Variants in CRELD1 observed in about 807,000 individuals in gnomAD.
The protein encoded by CRELD1 is CRELD disulfide isomerase 1.
In CRELD1, 42 loss-of-function variants were observed where a neutral mutation model predicts 58.2. That is an observed-to-expected ratio of 0.72 (90% CI 0.56 to 0.93). CRELD1 has a LOEUF of 0.93. Among genes scored for constraint, CRELD1 ranks in the 40% least tolerant of loss-of-function variants. The pLI is 0.00. For missense variants in CRELD1, 500 were observed against 540.6 expected (o/e 0.92, Z 0.74); for synonymous variants, 222 against 202.0 (o/e 1.10, Z -0.84).
chr3:9,939,397 TCATAGGA>T (rs2085284758), intron 5 of CRELD1, among the ~76,000 whole-genome samples: 1 of 152,084 alleles, frequency 6.6e-6, no homozygotes, highest in South Asian at 2.1e-4. Flanking sequence ...TTTGGCAGGG[TCATAGGA>T]CAATAGTGGA....
At chr3:9,935,954 C>T (rs1202614023) in intron 3 of CRELD1, 1 of 152,072 alleles carries the variant, frequency 6.6e-6, no homozygotes, top group African/African-American at 2.4e-5. Context: ...GGGAAGGATA[C>T]AGAAAGCCAT....
chr3:9,941,014 C>G lies in CRELD1; in HGVS notation c.625C>G (p.Leu209Val), dbSNP rs750351756. ...TGAGGCAGAACGCAACGCCAGCCATCTGGTATGTTCGGGTAGGTAGCCAAA... is the reference window on the plus strand; with the variant it reads ...TGAGGCAGAACGCAACGCCAGCCATGTGGTATGTTCGGGTAGGTAGCCAAA... ...YFEAERNASH[L>V]VCSACFGPCA... is the part of the protein sequence containing the mutation. Residue 209 changes from leucine to valine, a missense_variant, in exon 6 of 11, where the codon CTG (leucine) becomes GTG (valine). Physicochemically the swap from Leu to Val is conservative, Grantham distance 32. Coordinates refer to ENST00000452070, the MANE Select transcript of CRELD1 (RefSeq NM_001077415.3). 1 of 1,614,078 alleles carries G rather than the reference C, an allele frequency of 6.2e-7. No individual in the cohort carries two copies. Among genetic ancestry groups the G allele is most frequent in the Non-Finnish European group, 8.5e-7 (1 of 1,180,054 alleles).
chr3:9,942,076 C>T (rs1178820851), intron 7 of CRELD1, among the ~76,000 whole-genome samples: 2 of 151,954 alleles, frequency 1.3e-5, no homozygotes, highest in African/African-American at 4.8e-5. Flanking sequence ...TCGAGACCAG[C>T]CTGGCCAACA....
At chr3:9,940,548 A>G (rs1195339792) in intron 5 of CRELD1, among the ~76,000 whole-genome samples, 1 of 151,818 alleles carries the variant, frequency 6.6e-6, no homozygotes, top group Non-Finnish European at 1.5e-5. Flanking sequence ...CGCGCCTGCA[A>G]TCGCAGGCAC....
chr3:9,935,353 G>C (rs1044004696), intron 3 of CRELD1, among the ~76,000 whole-genome samples: 12 of 152,214 alleles, frequency 7.9e-5, no homozygotes, highest in Non-Finnish European at 1.5e-5. Flanking sequence ...TGAAGGCAAA[G>C]GCTTAAGCCT....
chr3:9,944,777 T>G lies in CRELD1; in HGVS notation c.*198T>G. 1.6e-6 allele frequency: 1 copy of G among 607,718 alleles called. No homozygotes were observed. Among genetic ancestry groups the G allele is most frequent in the African/African-American group, 1.8e-5 (1 of 54,242 alleles). The allele number at this position is 607,718 out of a possible 1,614,324, so 37.6% of individuals were successfully genotyped here. A position where few individuals can be genotyped will look rare whatever the true frequency, so the allele number is the denominator to read the frequency against. ...GGTAAAAAGTAGCCCTGAAGGTGGATACCATGAGCTCTTCACCTGGCGGGG... is the reference window on the plus strand; with the variant it reads ...GGTAAAAAGTAGCCCTGAAGGTGGAGACCATGAGCTCTTCACCTGGCGGGG... On this transcript the variant is annotated 3_prime_UTR_variant, in exon 11 of 11. Coordinates refer to ENST00000452070, the MANE Select transcript of CRELD1 (RefSeq NM_001077415.3).
rs1175221041 is a variant in CRELD1, at chr3:9,944,678, A to G, written c.*99A>G. The stretch of plus-strand genomic sequence containing the variant: ...CTCAGGACAGCTTGGTTTATTTTTG[A>G]GAGTGGGGTAAGCACCCCTACCTGC... On this transcript the variant is annotated 3_prime_UTR_variant, in exon 11 of 11. Coordinates refer to ENST00000452070, the MANE Select transcript of CRELD1 (RefSeq NM_001077415.3). The G allele has an allele frequency of 1.7e-6, 2 of 1,190,930 alleles. No homozygotes were observed. Among genetic ancestry groups the G allele is most frequent in the African/African-American group, 3.0e-5 (2 of 66,486 alleles). The allele number at this position is 1,190,930 out of a possible 1,614,324, so 73.8% of individuals were successfully genotyped here. A position where few individuals can be genotyped will look rare whatever the true frequency, so the allele number is the denominator to read the frequency against.
Position 9,944,489 on chromosome 3 carries a change from C to G in CRELD1, c.1173C>G (p.Ala391=). 1 of 1,613,286 alleles carries G rather than the reference C, an allele frequency of 6.2e-7. No individual in the cohort carries two copies. The highest frequency in any genetic ancestry group is 8.5e-7 in the Non-Finnish European group (1 of 1,180,038). ...CTAAGGGCGACTTGGTGTTCACCGC[C>G]ATCTTCATTGGGGCTGTGGCGGCCA... ...LAAKGDLVFT[A]IFIGAVAAMT... Residue 391 remains alanine (A), a synonymous_variant, in exon 11 of 11, where the codon GCC becomes GCG. Coordinates refer to ENST00000452070, the MANE Select transcript of CRELD1 (RefSeq NM_001077415.3).
Position 9,943,425 on chromosome 3 carries a change from CA to C in CRELD1, c.959del (p.Gln320ArgfsTer25), listed in dbSNP as rs759473511. The part of the protein sequence containing the change: ...ETEVCPGENK[Q>X]CENTEGGYRC... ...AGAGGTGTGTCCGGGAGAGAACAAG[CA>C]GTGTGAAAACACCGAGGGCGGTTAT... On this transcript the variant is annotated frameshift_variant, in exon 10 of 11. Coordinates refer to ENST00000452070, the MANE Select transcript of CRELD1 (RefSeq NM_001077415.3). LOFTEE classifies it high-confidence loss of function. 683 of 1,613,884 alleles carry C rather than the reference CA, an allele frequency of 4.2e-4. No individual in the cohort carries two copies. Among genetic ancestry groups the C allele is most frequent in the Non-Finnish European group, 5.4e-4 (636 of 1,180,008 alleles).
chr3:9,940,682 G>A (rs561201084), intron 5 of CRELD1, among the ~76,000 whole-genome samples, 168 bp from the exon 6 acceptor site: 1 of 142,022 alleles, frequency 7.0e-6, no homozygotes, highest in East Asian at 2.2e-4. Context: ...GGGAGACCAT[G>A]GGGAGAGGGA....
rs111398922 is a variant in CRELD1, at chr3:9,943,662, A to G, written c.1048+147A>G. Reference sequence around the variant, plus strand: ...AGGCTGCACTGAGACCGGGCTCTACATCTGATCTCCAGGTTGGCTCTCAGC... The same window carrying G: ...AGGCTGCACTGAGACCGGGCTCTACGTCTGATCTCCAGGTTGGCTCTCAGC... On this transcript the variant is annotated intron_variant, in intron 10 of 10. Transcript: ENST00000452070. 6.0e-3 allele frequency: 9,415 copies of G among 1,561,114 alleles called. 207 individuals are homozygous for G. Among genetic ancestry groups the G allele is most frequent in the African/African-American group, 0.042 (3,084 of 74,038 alleles).
chr3:9,939,827 C>G (rs868183612), intron 5 of CRELD1, among the ~76,000 whole-genome samples: 1 of 152,194 alleles, frequency 6.6e-6, no homozygotes, highest in Non-Finnish European at 1.5e-5. Flanking sequence ...CATCCTGGCC[C>G]GTTCTCAATG....
Position 9,933,909 on chromosome 3 carries a change from T to G in CRELD1, c.-31T>G. The stretch of plus-strand genomic sequence containing the variant: ...GGGGCGGTCGCTTCTTCCTTCTCCG[T>G]GGCCTACGAGGGTCTGGATCCTTCT... On this transcript the variant is annotated 5_prime_UTR_variant, in exon 1 of 11. Transcript: ENST00000452070. 1 of 418,924 alleles carries G rather than the reference T, an allele frequency of 2.4e-6. No individual in the cohort carries two copies. The highest frequency in any genetic ancestry group is 4.3e-6 in the Non-Finnish European group (1 of 232,102). The allele number at this position is 418,924 out of a possible 1,614,324, so 26.0% of individuals were successfully genotyped here.
rs55862344 is a variant in CRELD1 at position 9,940,761 on chromosome 3, A to G, written c.461-89A>G. 123,514 of 840,194 alleles carry G rather than the reference A, an allele frequency of 0.15. 5,702 individuals carry two copies. The highest frequency in any genetic ancestry group is 0.18 in the Admixed American group (7,807 of 44,312). 52.0% of individuals were successfully genotyped at this position (840,194 alleles called of 1,614,324 possible). On this transcript the variant is annotated intron_variant, in intron 5 of 10. Coordinates refer to ENST00000452070, the MANE Select transcript of CRELD1 (RefSeq NM_001077415.3). Reference sequence around the variant, plus strand: ...GGGGAGGGGGGGAGGGAGGGAAGGCAAGGGAGAGGGAGAGGGAGAGGGAGA... The same window carrying G: ...GGGGAGGGGGGGAGGGAGGGAAGGCGAGGGAGAGGGAGAGGGAGAGGGAGA...
In CRELD1 at chr3:9,933,923, C is replaced by G. The variant is rs923363609; in HGVS notation, c.-20+3C>G. The G allele has an allele frequency of 3.8e-5, 15 of 396,762 alleles. No homozygotes were observed. The highest frequency in any genetic ancestry group is 2.7e-5 in the Non-Finnish European group (6 of 218,546). The allele number at this position is 396,762 out of a possible 1,614,324, so 24.6% of individuals were successfully genotyped here. A position where few individuals can be genotyped will look rare whatever the true frequency, so the allele number is the denominator to read the frequency against. On this transcript the variant is annotated splice_donor_region_variant and intron_variant, in intron 1 of 10. Transcript: ENST00000452070. ...TTCCTTCTCCGTGGCCTACGAGGGT[C>G]TGGATCCTTCTCTGCCGGCTCGTGG... is the stretch of plus-strand genomic sequence containing the variant.
intron 1 of CRELD1, 185 bp downstream of exon 1, chr3:9,934,105 C>T (rs533176468): frequency 7.2e-6 from 3 of 418,562 alleles, no homozygotes; most frequent in African/African-American, 6.0e-5. Context: ...ATCTCTTCTC[C>T]CTAATTCTGC....
Position 9,944,056 on chromosome 3 carries a change from C to T in CRELD1, c.1049-309C>T, listed in dbSNP as rs766488001. 6.2e-6 allele frequency: 5 copies of T among 806,334 alleles called. No homozygotes were observed. The East Asian group carries it at 1.2e-4, about 20-fold the overall frequency. 49.9% of individuals were successfully genotyped at this position (806,334 alleles called of 1,614,324 possible). On this transcript the variant is annotated intron_variant, in intron 10 of 10. Coordinates refer to ENST00000452070, the MANE Select transcript of CRELD1 (RefSeq NM_001077415.3). ...GCAAGCAAGTCGCAAAGCTGGGATC[C>T]CAATCCAGACAGTCTGACCGTGGAA...
At position 9,943,403 on chromosome 3, in the gene CRELD1, G is replaced by GGTGTGTCC. The variant is rs1315484459; in HGVS notation, c.938_945dup (p.Gly316CysfsTer32). 1 of 1,613,928 alleles carries GGTGTGTCC rather than the reference G, an allele frequency of 6.2e-7. No homozygotes were observed. The highest frequency in any genetic ancestry group is 8.5e-7 in the Non-Finnish European group (1 of 1,180,016). On this transcript the variant is annotated frameshift_variant, in exon 10 of 11. Coordinates refer to ENST00000452070, the MANE Select transcript of CRELD1 (RefSeq NM_001077415.3). LOFTEE classifies it high-confidence loss of function. ...AAGATGTGGATGAGTGTGAGACAGA[G>GGTGTGTCC]GTGTGTCCGGGAGAGAACAAGCAGT...
rs2302787 is a variant in CRELD1, at chr3:9,938,029, C to T, written c.383C>T (p.Pro128Leu). The T allele has an allele frequency of 9.9e-6, 16 of 1,613,584 alleles. No individual in the cohort carries two copies. The highest frequency in any genetic ancestry group is 5.0e-5 in the Admixed American group (3 of 59,990). The change falls in exon 5 of 11, where the codon CCG becomes CTG. Residue 128 changes from proline to leucine, a missense_variant. Coordinates refer to ENST00000452070, the MANE Select transcript of CRELD1 (RefSeq NM_001077415.3). Reference protein sequence around the residue: ...SWWFHKQQEAPDLFQWLCSDS... With the variant: ...SWWFHKQQEALDLFQWLCSDS... ...CCCTGCCTCAGGCAGCAGGAGGCCCCGGACCTCTTCCAGTGGCTGTGCTCA... is the reference window on the plus strand; with the variant it reads ...CCCTGCCTCAGGCAGCAGGAGGCCCTGGACCTCTTCCAGTGGCTGTGCTCA...
Sources: allele counts gnomAD v4.1 joint callset (sites outside exome capture counted in the v4.1 genomes callset), GRCh38; gene constraint gnomAD v4.1.1; transcripts MANE v1.5; gene names NCBI Gene and HGNC (gene_info 2026-07-23, HGNC 2026-07-21).